Variants in PDE10A observed in about 807,000 individuals in gnomAD.
PDE10A encodes cAMP and cAMP-inhibited cGMP 3',5'-cyclic phosphodiesterase 10A.
Under a neutral mutation model 97.7 loss-of-function variants are expected in PDE10A, and 39 were observed. That is an observed-to-expected ratio of 0.40 (90% CI 0.31 to 0.52). The LOEUF (loss-of-function observed/expected upper bound fraction) is 0.52, where lower values mean the gene tolerates loss of function less well. Among genes scored for constraint, PDE10A ranks in the 20% least tolerant of loss-of-function variants. PDE10A has a pLI of 0.56. For synonymous variants in PDE10A, 371 were observed against 376.8 expected, an observed-to-expected ratio of 0.98 and a Z score of 0.18; for missense variants, 731 against 1,047.8, an observed-to-expected ratio of 0.70 and a Z score of 4.17.
At chr6:165,833,645 A>G (rs1779987998) in intron 1 of PDE10A, among the ~76,000 whole-genome samples, 1 of 152,256 alleles carries the variant, frequency 6.6e-6, no homozygotes, top group Non-Finnish European at 1.5e-5. Context: ...TGGAGGGAGC[A>G]GCTGCTCTGC....
chr6:165,446,270 G>A (rs1260161712), intron 5 of PDE10A, among the ~76,000 whole-genome samples: 2 of 152,040 alleles, frequency 1.3e-5, no homozygotes, highest in Admixed American at 6.6e-5. Flanking sequence ...GCAGACTCTC[G>A]CTAAGGGAAA....
Position 165,648,183 on chromosome 6 carries a change from T to G in PDE10A, c.865+13764A>C, listed in dbSNP as rs1318882236. Among the ~76,000 whole-genome samples the G allele has an allele frequency of 2.0e-5, 3 of 152,174 alleles. No individual in the cohort carries two copies. The East Asian group carries it at 5.8e-4, about 29-fold the overall frequency. On this transcript the variant is annotated intron_variant, in intron 1 of 21. Transcript: ENST00000539869. ...GCCCACCACCACGCCCAGCTAATTT[T>G]TTGTATTTTTAGTAGAGACGGGGTT...
At chr6:165,766,149 G>A (rs1269884644) in intron 1 of PDE10A, among the ~76,000 whole-genome samples, 1 of 151,768 alleles carries the variant, frequency 6.6e-6, no homozygotes, top group Non-Finnish European at 1.5e-5. Flanking sequence ...CTGGGCAAGT[G>A]TCAAGTGACT....
chr6:165,588,135 T>G (rs1454883723), intron 1 of PDE10A, among the ~76,000 whole-genome samples: 1 of 152,218 alleles, frequency 6.6e-6, no homozygotes, highest in African/African-American at 2.4e-5. Context: ...TATAACTATA[T>G]GTCTATACCT....
intron 1 of PDE10A, among the ~76,000 whole-genome samples, chr6:165,795,007 A>G (rs1778792485): frequency 6.6e-6 from 1 of 152,228 alleles, no homozygotes. Flanking sequence ...ACCTTATGTG[A>G]CATGGGCTTA....
At chr6:165,869,353 GA>G (rs71029569) in intron 1 of PDE10A, among the ~76,000 whole-genome samples, 107,700 of 149,936 alleles carry the variant, frequency 0.72, 38,810 homozygotes, top group East Asian at 0.96. Flanking sequence ...TACTACAAAA[GA>G]AAAAAAAAAC....
intron 13 of PDE10A, among the ~76,000 whole-genome samples, chr6:165,404,034 T>A (rs985541316): frequency 2.0e-4 from 30 of 152,186 alleles, no homozygotes; most frequent in African/African-American, 5.8e-4. Context: ...CACTTAATAA[T>A]TTATTGTGTA....
At chr6:165,835,575 T>C (rs1438389599) in intron 1 of PDE10A, among the ~76,000 whole-genome samples, 1 of 152,200 alleles carries the variant, frequency 6.6e-6, no homozygotes, top group African/African-American at 2.4e-5. Context: ...AGCCTCCTTG[T>C]AGGATTGGGG....
At chr6:165,517,641 C>T (rs1294055209) in intron 2 of PDE10A, among the ~76,000 whole-genome samples, 1 of 152,130 alleles carries the variant, frequency 6.6e-6, no homozygotes, top group African/African-American at 2.4e-5. Flanking sequence ...CTCGACACTG[C>T]ATGATGTCAT....
intron 1 of PDE10A, among the ~76,000 whole-genome samples, chr6:165,730,162 C>CA (rs5881655): frequency 3.0e-4 from 44 of 145,576 alleles, no homozygotes; most frequent in East Asian, 6.0e-4. Flanking sequence ...GATCCCCCTT[C>CA]AAAAAAAAAA....
At chr6:165,589,751 A>AT (rs1303194938) in intron 1 of PDE10A, among the ~76,000 whole-genome samples, 1 of 152,210 alleles carries the variant, frequency 6.6e-6, no homozygotes, top group African/African-American at 2.4e-5. Context: ...ACCGACTGAA[A>AT]TTGTCTATAT....
At chr6:165,857,493 T>C (rs1583197707) in intron 1 of PDE10A, among the ~76,000 whole-genome samples, 1 of 152,206 alleles carries the variant, frequency 6.6e-6, no homozygotes, top group African/African-American at 2.4e-5. Context: ...TGCAGAGAAC[T>C]GCAAACCCTA....
chr6:165,715,982 G>A (rs1278132504), intron 1 of PDE10A, among the ~76,000 whole-genome samples: 3 of 152,090 alleles, frequency 2.0e-5, no homozygotes, highest in East Asian at 1.9e-4. Flanking sequence ...TTTTGCCCAC[G>A]GAAGCCTCCC....
At chr6:165,538,178 G>C (rs1044338408) in intron 2 of PDE10A, among the ~76,000 whole-genome samples, 1 of 151,722 alleles carries the variant, frequency 6.6e-6, no homozygotes, top group Non-Finnish European at 1.5e-5. Context: ...TGCTTTATTC[G>C]TATGAAAATT....
chr6:165,489,723 C>G (rs531212143), intron 2 of PDE10A, among the ~76,000 whole-genome samples: 1 of 152,186 alleles, frequency 6.6e-6, no homozygotes, highest in African/African-American at 2.4e-5. Flanking sequence ...ATGGAAAAAT[C>G]TCTAGTGAAA....
chr6:165,389,651 G>T (rs1005001272), intron 16 of PDE10A, among the ~76,000 whole-genome samples: 3 of 152,180 alleles, frequency 2.0e-5, no homozygotes, highest in Admixed American at 6.5e-5. Flanking sequence ...GACAAGTGGA[G>T]ATTTTGTTTT....
At chr6:165,960,635 G>A (rs1242327598) in intron 1 of PDE10A, among the ~76,000 whole-genome samples, 1 of 152,224 alleles carries the variant, frequency 6.6e-6, no homozygotes, top group South Asian at 2.1e-4. Context: ...GATTTTGTGA[G>A]GATGTCAGCA....
At chr6:165,508,868 T>A (rs1421467640) in intron 2 of PDE10A, among the ~76,000 whole-genome samples, 2 of 152,042 alleles carry the variant, frequency 1.3e-5, no homozygotes, top group Admixed American at 1.3e-4. Flanking sequence ...GCTATCATAA[T>A]AGTCCAGTCT....
chr6:165,414,459 T>C (rs1202173578), intron 12 of PDE10A, among the ~76,000 whole-genome samples: 2 of 152,098 alleles, frequency 1.3e-5, no homozygotes, highest in African/African-American at 2.4e-5. Flanking sequence ...AGCATAAAGG[T>C]TTTTGAGATT....
Sources: gnomAD v4.1 joint callset for allele counts (sites outside exome capture counted in the v4.1 genomes callset) on GRCh38, gnomAD v4.1.1 for gene constraint, MANE v1.5 for transcripts, NCBI Gene and HGNC (gene_info 2026-07-23, HGNC 2026-07-21) for gene names.